The following LLGL1 variants were observed in gnomAD, a reference collection of about 807,000 sequenced individuals.
LLGL1 encodes the protein lethal(2) giant larvae protein homolog 1.
In LLGL1, 58 loss-of-function variants were observed where a neutral mutation model predicts 110.6. The observed-to-expected ratio is 0.52, with a 90% CI of 0.42 to 0.65. The LOEUF is 0.65. Among genes scored for constraint, LLGL1 ranks in the 30% least tolerant of loss-of-function variants. The pLI is 0.00. For missense variants in LLGL1, 1,229 were observed against 1,462.1 expected (o/e 0.84, Z 2.60); for synonymous variants, 674 against 607.2 (o/e 1.11, Z -1.62).
In LLGL1 at chr17:18,240,231, G is replaced by A. The variant is rs967629912; in HGVS notation, c.2207-347G>A. On this transcript the variant is annotated intron_variant, in intron 16 of 22. Coordinates refer to ENST00000316843, the MANE Select transcript of LLGL1 (RefSeq NM_004140.4). The surrounding 1 kb of genome is among the most constrained non-coding windows in gnomAD (Gnocchi z 5.3). Reference sequence around the variant, plus strand: ...CTGAGTGATGCTAGGATGGAGCTGCGTTTACTGAGATGGGGGCTGAGGGTG... The same window carrying A: ...CTGAGTGATGCTAGGATGGAGCTGCATTTACTGAGATGGGGGCTGAGGGTG... Among the ~76,000 whole-genome samples, 1 of 152,092 alleles carries A rather than the reference G, an allele frequency of 6.6e-6. No homozygotes were observed. The highest frequency in any genetic ancestry group is 1.5e-5 in the Non-Finnish European group (1 of 68,010).
chr17:18,242,494 C>T lies in LLGL1; in HGVS notation c.2996-14C>T, dbSNP rs1443846209. 3 of 1,613,802 alleles carry T rather than the reference C, an allele frequency of 1.9e-6. No individual in the cohort carries two copies. The highest frequency in any genetic ancestry group is 2.5e-6 in the Non-Finnish European group (3 of 1,179,870). ...TAAGGGTCCTGGTAGGGGCTGATGA[C>T]TTGCTCCCTGTAGACACCCCGGAGC... On this transcript the variant is annotated splice_polypyrimidine_tract_variant and intron_variant, in intron 20 of 22. Transcript: ENST00000316843.
chr17:18,225,857 G>A, intron 1 of LLGL1, 94 bp downstream of exon 1: 3 of 482,300 alleles, frequency 6.2e-6, no homozygotes, highest in Non-Finnish European at 5.4e-6. Flanking sequence ...CGGGCCCGGG[G>A]GGCGGGGGCT....
chr17:18,241,524 A>C lies in LLGL1; in HGVS notation c.2576A>C (p.Lys859Thr). Residue 859 changes from lysine to threonine, a missense_variant, in exon 18 of 23, where the codon AAG becomes ACG. Transcript: ENST00000316843. The stretch of plus-strand genomic sequence containing the variant: ...GCCCATGAGGGCTGTCGTGTGCGCA[A>C]GGTGGCACTGGCCACGTTTGCCAGT... The part of the protein sequence containing the change: ...LTAHEGCRVR[K>T]VALATFASVA... 1 of 1,613,860 alleles carries C rather than the reference A, an allele frequency of 6.2e-7. No individual in the cohort carries two copies. The highest frequency in any genetic ancestry group is 8.5e-7 in the Non-Finnish European group (1 of 1,180,016).
Position 18,244,657 on chromosome 17 carries a change from A to G in LLGL1, c.*751A>G, listed in dbSNP as rs1328725172. Reference sequence around the variant, plus strand: ...CTGTCATGAGTGTGTGTGTGCGGGCATGGATGTGACTGGGAGCTCTGCTGG... The same window carrying G: ...CTGTCATGAGTGTGTGTGTGCGGGCGTGGATGTGACTGGGAGCTCTGCTGG... On this transcript the variant is annotated 3_prime_UTR_variant, in exon 23 of 23. Coordinates refer to ENST00000316843, the MANE Select transcript of LLGL1 (RefSeq NM_004140.4). 1 of 131,668 alleles carries G rather than the reference A, an allele frequency of 7.6e-6. No individual in the cohort carries two copies. The highest frequency in any genetic ancestry group is 1.5e-5 in the Non-Finnish European group (1 of 66,086). The allele number at this position is 131,668 out of a possible 1,614,324, so 8.2% of individuals were successfully genotyped here. A position where few individuals can be genotyped will look rare whatever the true frequency, so the allele number is the denominator to read the frequency against.
At position 18,240,635 on chromosome 17, in the gene LLGL1, A is replaced by G. The variant is rs2047807851; in HGVS notation, c.2264A>G (p.Tyr755Cys). Residue 755 changes from tyrosine to cysteine, a missense_variant, in exon 17 of 23, where the codon TAT (tyrosine) becomes TGT (cysteine). Transcript: ENST00000316843. The surrounding 1 kb of genome is among the most constrained non-coding windows in gnomAD (Gnocchi z 5.3). ...AGTNSGSVFA[Y>C]ALEVPAAAVG... ...ACCAACTCAGGCTCTGTGTTCGCCT[A>G]TGCACTGGAGGTGCCGGCAGCAGCA... The G allele has an allele frequency of 2.5e-6, 4 of 1,612,756 alleles. No individual in the cohort carries two copies. Among genetic ancestry groups the G allele is most frequent in the African/African-American group, 2.7e-5 (2 of 74,918 alleles).
chr17:18,234,610 C>T (rs2047648047), intron 7 of LLGL1, 39 bp from the exon 8 acceptor site: 1 of 1,611,132 alleles, frequency 6.2e-7, no homozygotes, highest in Non-Finnish European at 8.5e-7. Flanking sequence ...TTGCTAAGAA[C>T]CACCAGTGAG....
At chr17:18,239,920 G>A (rs1372373796) in intron 16 of LLGL1, among the ~76,000 whole-genome samples, 2 of 152,112 alleles carry the variant, frequency 1.3e-5, no homozygotes, top group Non-Finnish European at 2.9e-5. Context: ...GATCCATCGG[G>A]TCATCAGGGA....
Position 18,236,767 on chromosome 17 carries a change from C to G in LLGL1, c.1506+7C>G, listed in dbSNP as rs747614858. Reference sequence around the variant, plus strand: ...CTGGCCACCCTTCCGCAAGGTGGGCCCCTCCCCTGGCCCTGATGAGCTGGT... The same window carrying G: ...CTGGCCACCCTTCCGCAAGGTGGGCGCCTCCCCTGGCCCTGATGAGCTGGT... On this transcript the variant is annotated splice_region_variant and intron_variant, in intron 12 of 22. Transcript: ENST00000316843. The G allele has an allele frequency of 6.2e-7, 1 of 1,612,688 alleles. No individual in the cohort carries two copies. The highest frequency in any genetic ancestry group is 8.5e-7 in the Non-Finnish European group (1 of 1,179,904).
At position 18,235,243 on chromosome 17, in the gene LLGL1, C is replaced by T. The variant is rs8066959; in HGVS notation, c.1215C>T (p.Pro405=). The T allele has an allele frequency of 7.7e-5, 124 of 1,610,816 alleles. No homozygotes were observed. The African/African-American group carries it at 1.4e-3, about 19-fold the overall frequency. The part of the protein sequence containing the change: ...ITCSAHVASV[P]AKLWARIVSA... ...GCTCGGCCCACGTGGCCAGTGTCCC[C>T]GCCAAGCTGTGGGCCCGCATTGTGA... The change falls in exon 10 of 23, where the codon CCC becomes CCT. Residue 405 remains proline (P), a synonymous_variant. Transcript: ENST00000316843.
Position 18,232,520 on chromosome 17 carries a change from A to C in LLGL1, c.205A>C (p.Thr69Pro). 1.2e-6 allele frequency: 2 copies of C among 1,614,052 alleles called. No homozygotes were observed. Among genetic ancestry groups the C allele is most frequent in the Non-Finnish European group, 8.5e-7 (1 of 1,179,962 alleles). Residue 69 changes from threonine to proline, a missense_variant, in exon 3 of 23, where the codon ACA (threonine) becomes CCA (proline). Physicochemically the swap from Thr to Pro is conservative, Grantham distance 38. Coordinates refer to ENST00000316843, the MANE Select transcript of LLGL1 (RefSeq NM_004140.4). ...KIYGAPGVEF[T>P]GLHRDAATVT... ...CTATGGTGCACCTGGCGTGGAGTTC[A>C]CAGGCCTGCACCGGGATGCAGCCAC...
chr17:18,230,716 A>G (rs141447924), intron 2 of LLGL1, among the ~76,000 whole-genome samples: 1 of 152,006 alleles, frequency 6.6e-6, no homozygotes, highest in Admixed American at 6.6e-5. Flanking sequence ...GCTGACCCCT[A>G]CCCCTCCTGT....
In LLGL1 at chr17:18,236,748, A is replaced by T. The variant is rs758392402; in HGVS notation, c.1494A>T (p.Pro498=). 6.2e-7 allele frequency: 1 copy of T among 1,612,374 alleles called. No homozygotes were observed. Among genetic ancestry groups the T allele is most frequent in the African/African-American group, 1.3e-5 (1 of 74,906 alleles). ...SLAQAAEDDW[P]PFRKVGCFDP... ...CCCAGGCTGCCGAGGACGACTGGCC[A>T]CCCTTCCGCAAGGTGGGCCCCTCCC... The change falls in exon 12 of 23, where the codon CCA becomes CCT. Residue 498 remains proline (P), a synonymous_variant. Transcript: ENST00000316843.
At position 18,226,111 on chromosome 17, in the gene LLGL1, G is replaced by GC. The variant is rs1417117399; in HGVS notation, c.81+352dup. The stretch of plus-strand genomic sequence containing the variant: ...TTCTCCGCCGCTGACCGGCTGTCTC[G>GC]CCCCAGTTGTGCCTGTGTGTGTGGT... On this transcript the variant is annotated intron_variant, in intron 1 of 22. Transcript: ENST00000316843. Among the ~76,000 whole-genome samples the GC allele has an allele frequency of 5.3e-5, 8 of 152,122 alleles. No individual in the cohort carries two copies. In the East Asian group the frequency reaches 1.4e-3, roughly 26 times the overall value.
intron 19 of LLGL1, 28 bp from the exon 20 acceptor site, chr17:18,242,138 G>A (rs775726036): frequency 1.3e-6 from 2 of 1,588,332 alleles, no homozygotes; most frequent in Non-Finnish European, 1.7e-6. Context: ...ATCCACCTAT[G>A]GTCCCCATCA....
In LLGL1 at chr17:18,238,879, C is replaced by T. The variant is rs1006947985; in HGVS notation, c.2206+270C>T. 4.6e-5 allele frequency among the ~76,000 whole-genome samples: 7 copies of T among 152,156 alleles called. No individual in the cohort carries two copies. The South Asian group carries it at 8.3e-4, about 18-fold the overall frequency. On this transcript the variant is annotated intron_variant, in intron 16 of 22. Coordinates refer to ENST00000316843, the MANE Select transcript of LLGL1 (RefSeq NM_004140.4). ...TACAAAAATTAGCCAGGTGTGGTGG[C>T]GGGCGCCTGTAATCCCAGCTACTTG...
chr17:18,234,470 C>A, intron 7 of LLGL1, 62 bp downstream of exon 7: 1 of 1,594,228 alleles, frequency 6.3e-7, no homozygotes, highest in East Asian at 2.3e-5. Context: ...CTGAGCCAAG[C>A]CAAACTGGCT....
At chr17:18,238,424 G>T in intron 15 of LLGL1, 32 bp from the exon 16 acceptor site, 2 of 1,591,758 alleles carry the variant, frequency 1.3e-6, no homozygotes, top group Non-Finnish European at 8.6e-7. Flanking sequence ...GGGGTGCTAG[G>T]GAGACAGTGT....
intron 7 of LLGL1, 77 bp downstream of exon 7, chr17:18,234,485 AG>A: frequency 6.3e-7 from 1 of 1,590,022 alleles, no homozygotes; most frequent in Non-Finnish European, 8.6e-7. Flanking sequence ...CTGGCTGAGG[AG>A]GGACTTCCCC....
At chr17:18,241,279 A>G in intron 17 of LLGL1, 172 bp from the exon 18 acceptor site, 2 of 747,010 alleles carry the variant, frequency 2.7e-6, no homozygotes, top group Non-Finnish European at 4.3e-6. Context: ...TTTCTGGAGT[A>G]CAGTGTGAAG....
Sources: gnomAD v4.1 joint callset for allele counts (sites outside exome capture counted in the v4.1 genomes callset) on GRCh38, gnomAD v4.1.1 for gene constraint, Gnocchi (gnomAD v3.1) non-coding constraint, MANE v1.5 for transcripts, NCBI Gene and HGNC (gene_info 2026-07-23, HGNC 2026-07-21) for gene names.